The following MIS18A variants were observed in gnomAD, a reference collection of about 807,000 sequenced individuals.
MIS18A encodes MIS18 kinetochore protein A, also known as protein Mis18-alpha.
Under a neutral mutation model 25.0 loss-of-function variants are expected in MIS18A, and 14 were observed. That is an observed-to-expected ratio of 0.56 (90% CI 0.37 to 0.88). The LOEUF (loss-of-function observed/expected upper bound fraction) is 0.88. Ranked by LOEUF, MIS18A falls within the 40% of genes least tolerant of loss-of-function variation. The pLI is 0.00. For synonymous variants in MIS18A, 134 were observed against 118.6 expected, an observed-to-expected ratio of 1.13 and a Z score of -0.84; for missense variants, 292 against 290.8, an observed-to-expected ratio of 1.00 and a Z score of -0.03.
chr21:32,158,071 G>A, the MIS18A span, among the ~76,000 whole-genome samples: 1 of 152,156 alleles, frequency 6.6e-6, no homozygotes, highest in Non-Finnish European at 1.5e-5. Flanking sequence ...CTTGATTAGA[G>A]CTTTTTCATG....
intron 3 of MIS18A, among the ~76,000 whole-genome samples, chr21:32,270,148 C>A (rs898484823): frequency 4.0e-5 from 6 of 151,872 alleles, no homozygotes; most frequent in African/African-American, 1.5e-4. Flanking sequence ...GAACTACTTT[C>A]AATTTTTAAA....
the MIS18A span, among the ~76,000 whole-genome samples, chr21:32,203,810 G>A: frequency 6.6e-6 from 1 of 151,760 alleles, no homozygotes. Context: ...GTAGAGACAA[G>A]GTTTCACTAT....
At chr21:32,212,951 C>CT in the MIS18A span, among the ~76,000 whole-genome samples, 1 of 152,300 alleles carries the variant, frequency 6.6e-6, no homozygotes, top group South Asian at 2.1e-4. Context: ...ATTACCCAGT[C>CT]TCGGGTATAT....
the MIS18A span, among the ~76,000 whole-genome samples, chr21:32,184,136 C>T: frequency 6.6e-6 from 1 of 152,226 alleles, no homozygotes; most frequent in Admixed American, 6.5e-5. Context: ...CCCCCAGCAT[C>T]ACAACTGCCA....
chr21:32,192,186 C>A, the MIS18A span, among the ~76,000 whole-genome samples: 12 of 152,138 alleles, frequency 7.9e-5, no homozygotes, highest in Non-Finnish European at 1.5e-4. Context: ...CCAGTGGAGT[C>A]CCCTCTGTTC....
the MIS18A span, among the ~76,000 whole-genome samples, chr21:32,191,533 A>T: frequency 2.0e-5 from 3 of 152,204 alleles, no homozygotes; most frequent in African/African-American, 7.2e-5. Flanking sequence ...TCAAGGCTAC[A>T]GTGAGTTATG....
intron 2 of MIS18A, among the ~76,000 whole-genome samples, chr21:32,271,116 A>C (rs2031707050): frequency 6.6e-6 from 1 of 152,208 alleles, no homozygotes. Context: ...CACACACTTG[A>C]ATATACCCTC....
chr21:32,276,366 CAGG>C (rs1408661063), intron 1 of MIS18A, among the ~76,000 whole-genome samples: 2 of 140,678 alleles, frequency 1.4e-5, no homozygotes, highest in East Asian at 2.1e-4. Context: ...GAGGCTGAGG[CAGG>C]AGAATAGCGT....
At chr21:32,252,208 G>T in the MIS18A span, among the ~76,000 whole-genome samples, 1 of 104,750 alleles carries the variant, frequency 9.5e-6, no homozygotes, top group East Asian at 2.6e-4. Flanking sequence ...AGGAGGAGAA[G>T]AAGAAGAAGA....
chr21:32,250,494 T>C, the MIS18A span, among the ~76,000 whole-genome samples: 1 of 152,126 alleles, frequency 6.6e-6, no homozygotes, highest in Non-Finnish European at 1.5e-5. Flanking sequence ...AGGTTGTTTC[T>C]CAGTTCCCAA....
the MIS18A span, among the ~76,000 whole-genome samples, chr21:32,230,302 C>T: frequency 2.0e-5 from 3 of 152,214 alleles, no homozygotes; most frequent in South Asian, 2.1e-4. Flanking sequence ...GCCATTCCTT[C>T]ATCACCTAAT....
chr21:32,237,729 G>A, the MIS18A span, among the ~76,000 whole-genome samples: 2 of 152,138 alleles, frequency 1.3e-5, no homozygotes, highest in Non-Finnish European at 2.9e-5. Flanking sequence ...TTGCAAAATT[G>A]TAGAATTATA....
the MIS18A span, among the ~76,000 whole-genome samples, chr21:32,155,144 T>C: frequency 3.3e-5 from 5 of 152,238 alleles, no homozygotes; most frequent in Non-Finnish European, 7.3e-5. Context: ...TAAATGTTTT[T>C]CTTTAATTTT....
At chr21:32,161,156 T>A in the MIS18A span, among the ~76,000 whole-genome samples, 4 of 152,252 alleles carry the variant, frequency 2.6e-5, no homozygotes, top group African/African-American at 9.6e-5. Context: ...TGATACATTA[T>A]TATTAAAGTT....
the MIS18A span, among the ~76,000 whole-genome samples, chr21:32,192,713 C>T: frequency 6.6e-6 from 1 of 152,238 alleles, no homozygotes; most frequent in Admixed American, 6.5e-5. Flanking sequence ...ACTTCCCCCT[C>T]TACATCTCAG....
chr21:32,277,328 ACT>A lies in MIS18A; in HGVS notation c.334+1351_334+1352del, dbSNP rs375428075. On this transcript the variant is annotated intron_variant, in intron 1 of 4. Coordinates refer to ENST00000290130, the MANE Select transcript of MIS18A (RefSeq NM_018944.3). ...AAAGAGCCCACATGGCAAAAAATAC[ACT>A]CTATCGAAACAAACAAATAAAATGA... Among the ~76,000 whole-genome samples the A allele has an allele frequency of 5.0e-4, 76 of 152,362 alleles. No homozygotes were observed. The East Asian group carries it at 6.4e-3, about 13-fold the overall frequency.
At position 32,278,760 on chromosome 21, in the gene MIS18A, G is replaced by A. The variant is rs749770824; in HGVS notation, c.255C>T (p.Cys85=). Residue 85 remains cysteine (C), a synonymous_variant, in exon 1 of 5, where the codon TGC becomes TGT. Transcript: ENST00000290130. The part of the protein sequence containing the change: ...AAEERPLVFL[C]SGCRRPLGDS... ...CGCCCAGCGGCCGCCGGCAGCCGGA[G>A]CACAGGAACACCAGCGGCCTCTCCT... is the stretch of plus-strand genomic sequence containing the variant. 2.9e-5 allele frequency: 46 copies of A among 1,579,160 alleles called. No individual in the cohort carries two copies. The highest frequency in any genetic ancestry group is 3.9e-5 in the Non-Finnish European group (45 of 1,168,368).
chr21:32,198,548 C>T, the MIS18A span, among the ~76,000 whole-genome samples: 6 of 152,134 alleles, frequency 3.9e-5, no homozygotes, highest in East Asian at 1.9e-4. Context: ...GCTGTTGCCC[C>T]GGGCCCGAAG....
At chr21:32,272,709 T>C (rs984219461) in intron 2 of MIS18A, among the ~76,000 whole-genome samples, 16 of 152,236 alleles carry the variant, frequency 1.1e-4, no homozygotes, top group African/African-American at 3.9e-4. Context: ...TTTATGATAG[T>C]AAAAACAATC....
Sources: gnomAD v4.1 joint callset for allele counts (sites outside exome capture counted in the v4.1 genomes callset) on GRCh38, gnomAD v4.1.1 for gene constraint, MANE v1.5 for transcripts, NCBI Gene and HGNC (gene_info 2026-07-23, HGNC 2026-07-21) for gene names.